Variants in GABPB2 observed in about 807,000 individuals in gnomAD.
GABPB2 encodes GA binding protein transcription factor subunit beta 2, also known as GA-binding protein subunit beta-2.
Under a neutral mutation model 39.1 loss-of-function variants are expected in GABPB2, and 23 were observed. That is an observed-to-expected ratio of 0.59 (90% CI 0.42 to 0.83). The LOEUF is 0.83. GABPB2 is among the 40% of genes least tolerant of loss of function. The pLI is 0.00. For missense variants in GABPB2, 467 were observed against 541.1 expected (o/e 0.86, Z 1.36); for synonymous variants, 184 against 199.3 (o/e 0.92, Z 0.65).
intron 1 of GABPB2, among the ~76,000 whole-genome samples, chr1:151,081,643 T>A (rs888087372): frequency 4.0e-5 from 6 of 151,880 alleles, no homozygotes; most frequent in African/African-American, 1.5e-4. Flanking sequence ...ATTATTTATT[T>A]TTTTTTTTTT....
chr1:151,117,795 G>A (rs587649511), intron 8 of GABPB2, among the ~76,000 whole-genome samples, 162 bp from the exon 9 acceptor site: 1 of 152,292 alleles, frequency 6.6e-6, no homozygotes, highest in Admixed American at 6.5e-5. Context: ...TGTTGGCCAA[G>A]TTGGTCTCGA....
At chr1:151,106,987 C>A (rs1680018438) in intron 6 of GABPB2, 50 bp from the exon 7 acceptor site, 1 of 1,351,276 alleles carries the variant, frequency 7.4e-7, no homozygotes, top group Non-Finnish European at 1.0e-6. Context: ...TTGCTATACT[C>A]CTATGTTTTT....
intron 6 of GABPB2, among the ~76,000 whole-genome samples, chr1:151,104,098 C>T (rs1679748244): frequency 6.6e-6 from 1 of 152,144 alleles, no homozygotes; most frequent in South Asian, 2.1e-4. Flanking sequence ...GTTGTCATAT[C>T]CTTTGTACTT....
intron 8 of GABPB2, 60 bp downstream of exon 8, chr1:151,117,576 T>G (rs1283187095): frequency 3.2e-6 from 5 of 1,540,224 alleles, no homozygotes; most frequent in Non-Finnish European, 4.4e-6. Flanking sequence ...GCCTGAACCC[T>G]TCTTCATCTT....
intron 7 of GABPB2, among the ~76,000 whole-genome samples, chr1:151,107,881 G>A (rs1680094247): frequency 6.6e-6 from 1 of 151,962 alleles, no homozygotes; most frequent in South Asian, 2.1e-4. Flanking sequence ...GCTGTACTGA[G>A]CCGTGATTGT....
At chr1:151,117,883 C>G in intron 8 of GABPB2, 74 bp from the exon 9 acceptor site, 1 of 1,429,670 alleles carries the variant, frequency 7.0e-7, no homozygotes, top group Non-Finnish European at 9.6e-7. Flanking sequence ...CGCTCCTGGC[C>G]TGTCTTTTTG....
intron 1 of GABPB2, among the ~76,000 whole-genome samples, chr1:151,072,704 G>T (rs587701544): frequency 6.6e-6 from 1 of 152,172 alleles, no homozygotes; most frequent in Non-Finnish European, 1.5e-5. Context: ...AAAATTAGCC[G>T]GGCGTGGTGG....
chr1:151,082,851 C>T (rs746450852), intron 1 of GABPB2, among the ~76,000 whole-genome samples: 1 of 151,764 alleles, frequency 6.6e-6, no homozygotes, highest in Non-Finnish European at 1.5e-5. Context: ...TTGTGTGCAC[C>T]TGTAGTCCTA....
intron 7 of GABPB2, among the ~76,000 whole-genome samples, chr1:151,115,396 T>C (rs1244027818): frequency 8.8e-6 from 1 of 114,210 alleles, no homozygotes; most frequent in Non-Finnish European, 1.7e-5. Flanking sequence ...ACTGGCAAAC[T>C]ATTTTCTTTT....
chr1:151,079,442 G>A (rs1013059337), intron 1 of GABPB2, among the ~76,000 whole-genome samples: 4 of 151,974 alleles, frequency 2.6e-5, no homozygotes, highest in African/African-American at 7.2e-5. Flanking sequence ...CTCAGGAGGC[G>A]AGGCAAGAGA....
At chr1:151,096,093 T>G (rs1679078633) in intron 4 of GABPB2, among the ~76,000 whole-genome samples, 1 of 150,976 alleles carries the variant, frequency 6.6e-6, no homozygotes, top group Admixed American at 6.7e-5. Flanking sequence ...CTGTTTCATT[T>G]GAAGCTCTTA....
intron 4 of GABPB2, among the ~76,000 whole-genome samples, chr1:151,097,240 A>AG (rs1438555662): frequency 6.6e-6 from 1 of 152,068 alleles, no homozygotes; most frequent in African/African-American, 2.4e-5. Flanking sequence ...AATGAAAAAA[A>AG]CAAGATTCAT....
chr1:151,112,049 C>T (rs1351220676), intron 7 of GABPB2: 5 of 147,056 alleles, frequency 3.4e-5, no homozygotes, highest in Non-Finnish European at 6.0e-5. Context: ...ATGGTGAAAC[C>T]CTGACTCTAC....
At chr1:151,086,771 T>G (rs1678234446) in intron 1 of GABPB2, among the ~76,000 whole-genome samples, 1 of 151,838 alleles carries the variant, frequency 6.6e-6, no homozygotes, top group African/African-American at 2.4e-5. Context: ...GAGCTCAAGT[T>G]TTCCTCCCAC....
chr1:151,076,894 T>C (rs913786758), intron 1 of GABPB2, among the ~76,000 whole-genome samples: 2 of 149,148 alleles, frequency 1.3e-5, no homozygotes, highest in African/African-American at 2.5e-5. Flanking sequence ...CCTGGGTTCA[T>C]GCCATTCTCC....
intron 3 of GABPB2, among the ~76,000 whole-genome samples, chr1:151,091,928 A>C (rs965799170): frequency 6.6e-6 from 1 of 151,534 alleles, no homozygotes; most frequent in Non-Finnish European, 1.5e-5. Context: ...GACTACAGGC[A>C]TGCAGCACCA....
At chr1:151,098,054 C>T in intron 5 of GABPB2, 52 bp downstream of exon 5, 1 of 1,526,426 alleles carries the variant, frequency 6.6e-7, no homozygotes, top group Non-Finnish European at 9.0e-7. Context: ...AGAACAGAAC[C>T]CTAGATTTTC....
chr1:151,107,278 C>G, intron 7 of GABPB2, 56 bp downstream of exon 7: 1 of 1,197,746 alleles, frequency 8.3e-7, no homozygotes, highest in East Asian at 2.8e-5. Flanking sequence ...ATACTCCATA[C>G]TCACCTAAAA....
At chr1:151,082,883 G>A (rs1318870032) in intron 1 of GABPB2, among the ~76,000 whole-genome samples, 2 of 151,760 alleles carry the variant, frequency 1.3e-5, no homozygotes, top group African/African-American at 2.4e-5. Flanking sequence ...GGCTGAGGAC[G>A]GAGGATTGCT....
Sources: allele counts gnomAD v4.1 joint callset (sites outside exome capture counted in the v4.1 genomes callset), GRCh38; gene constraint gnomAD v4.1.1; transcripts MANE v1.5; gene names NCBI Gene and HGNC (gene_info 2026-07-23, HGNC 2026-07-21).